Variants in SND1 observed in about 807,000 individuals in gnomAD.
SND1 encodes the protein staphylococcal nuclease and tudor domain containing 1, also known as staphylococcal nuclease domain-containing protein 1.
Under a neutral mutation model 121.7 loss-of-function variants are expected in SND1, and 38 were observed. That is an observed-to-expected ratio of 0.31 (90% CI 0.24 to 0.41). The LOEUF (loss-of-function observed/expected upper bound fraction) is 0.41, where lower values mean the gene tolerates loss of function less well. SND1 is among the 10% of genes least tolerant of loss of function. The pLI, the probability that SND1 is intolerant of heterozygous loss-of-function variation, is 1.00. For synonymous variants in SND1, 401 were observed against 447.4 expected (o/e 0.90, Z 1.31); for missense variants, 868 against 1,184.6 (o/e 0.73, Z 3.92).
intron 17 of SND1, among the ~76,000 whole-genome samples, chr7:128,078,483 G>A (rs766367148): frequency 1.3e-5 from 2 of 152,242 alleles, no homozygotes; most frequent in Non-Finnish European, 2.9e-5. Flanking sequence ...AGGTGGCAGT[G>A]TGCACCACCC....
Position 128,029,269 on chromosome 7 carries a change from T to C in SND1, c.1779+38213T>C. 1 of 1,614,132 alleles carries C rather than the reference T, an allele frequency of 6.2e-7. No individual in the cohort carries two copies. Among genetic ancestry groups the C allele is most frequent in the Non-Finnish European group, 8.5e-7 (1 of 1,180,032 alleles). Reference sequence around the variant, plus strand: ...GGCGAGATCTCCGTGGTCTCCACTGTTACTGTGGTGAAGAAGCTGTAGTTG... The same window carrying C: ...GGCGAGATCTCCGTGGTCTCCACTGCTACTGTGGTGAAGAAGCTGTAGTTG... On this transcript the variant is annotated intron_variant, in intron 16 of 23. Transcript: ENST00000354725. The surrounding 1 kb of genome is among the most constrained non-coding windows in gnomAD (Gnocchi z 4.2).
chr7:127,820,079 A>C (rs953490344), intron 11 of SND1, among the ~76,000 whole-genome samples: 1 of 152,202 alleles, frequency 6.6e-6, no homozygotes, highest in Non-Finnish European at 1.5e-5. Flanking sequence ...ACCTCTGCTT[A>C]TGTTACCAGG....
intron 11 of SND1, among the ~76,000 whole-genome samples, chr7:127,842,767 C>T (rs1798987855): frequency 6.6e-6 from 1 of 152,108 alleles, no homozygotes; most frequent in South Asian, 2.1e-4. Flanking sequence ...ATTCTTCTAC[C>T]TGGGCCTTCC....
chr7:127,785,428 A>G (rs1358993230), intron 10 of SND1, among the ~76,000 whole-genome samples: 2 of 152,224 alleles, frequency 1.3e-5, no homozygotes, highest in Non-Finnish European at 2.9e-5. Context: ...TCACAGAAGG[A>G]AAGAGAAAAA....
intron 9 of SND1, chr7:127,718,648 C>CT: frequency 1.0e-6 from 1 of 985,328 alleles, no homozygotes; most frequent in Non-Finnish European, 1.2e-6. Flanking sequence ...ATTTACAGCT[C>CT]TAAGAATTCA....
intron 14 of SND1, among the ~76,000 whole-genome samples, chr7:127,927,646 GTC>G (rs777167422): frequency 5.1e-4 from 77 of 152,162 alleles, no homozygotes; most frequent in Non-Finnish European, 1.1e-3. Flanking sequence ...ATGGATCGCT[GTC>G]TCTCTTTTTC....
At chr7:127,926,652 A>G (rs371206023) in intron 14 of SND1, among the ~76,000 whole-genome samples, 1 of 142,120 alleles carries the variant, frequency 7.0e-6, no homozygotes, top group Non-Finnish European at 1.5e-5. Context: ...TCTCAGGTTC[A>G]TACCATTCTC....
chr7:127,925,992 A>G (rs1800824933), intron 14 of SND1, among the ~76,000 whole-genome samples: 1 of 151,738 alleles, frequency 6.6e-6, no homozygotes, highest in African/African-American at 2.4e-5. Flanking sequence ...ACTGAAGCAC[A>G]TTGCTACTTG....
At chr7:127,937,107 A>T (rs2116832304) in intron 15 of SND1, among the ~76,000 whole-genome samples, 1 of 152,306 alleles carries the variant, frequency 6.6e-6, no homozygotes. Context: ...AAGGAGCCTT[A>T]TATCAGATAT....
intron 11 of SND1, among the ~76,000 whole-genome samples, chr7:127,815,806 A>T (rs1181590693): frequency 6.6e-6 from 1 of 152,150 alleles, no homozygotes; most frequent in African/African-American, 2.4e-5. Flanking sequence ...TTTAGCTTGT[A>T]TCTGGCCACT....
rs558275144 is a variant in SND1, at chr7:127,766,578, A to G, written c.1153-40906A>G. 9.9e-5 allele frequency among the ~76,000 whole-genome samples: 15 copies of G among 152,010 alleles called. No individual in the cohort carries two copies. In the South Asian group the frequency reaches 2.7e-3, roughly 27 times the overall value. ...ATCACGAGGTCAGGAGATCAAGACCATCCTGGCCAACGTGGTGAAACCCCG... is the reference window on the plus strand; with the variant it reads ...ATCACGAGGTCAGGAGATCAAGACCGTCCTGGCCAACGTGGTGAAACCCCG... On this transcript the variant is annotated intron_variant, in intron 10 of 23. Coordinates refer to ENST00000354725, the MANE Select transcript of SND1 (RefSeq NM_014390.4).
intron 10 of SND1, among the ~76,000 whole-genome samples, chr7:127,753,389 G>A (rs1471080577): frequency 6.6e-6 from 1 of 152,090 alleles, no homozygotes; most frequent in African/African-American, 2.4e-5. Flanking sequence ...GATGCTAGGA[G>A]GCAGATGTTG....
chr7:127,674,595 A>G (rs1795584700), intron 1 of SND1, among the ~76,000 whole-genome samples: 1 of 152,244 alleles, frequency 6.6e-6, no homozygotes, highest in African/African-American at 2.4e-5. Context: ...GGGAGTGTTT[A>G]TAGCTTTTTT....
intron 11 of SND1, among the ~76,000 whole-genome samples, chr7:127,834,925 A>G (rs1402326436): frequency 6.6e-6 from 1 of 152,190 alleles, no homozygotes; most frequent in East Asian, 1.9e-4. Flanking sequence ...GAGTGCTCTG[A>G]ATTGTAGTCA....
At chr7:128,067,767 T>A (rs1384257751) in intron 16 of SND1, among the ~76,000 whole-genome samples, 2 of 152,138 alleles carry the variant, frequency 1.3e-5, no homozygotes, top group East Asian at 3.9e-4. Flanking sequence ...CTCTTCTCCA[T>A]CCTCCCAGAA....
chr7:127,766,662 C>T (rs181624422), intron 10 of SND1, among the ~76,000 whole-genome samples: 3,388 of 146,236 alleles, frequency 0.023, 54 homozygotes, highest in Non-Finnish European at 0.034. Context: ...GTAGTCCCAG[C>T]TACTCAGGAG....
intron 14 of SND1, among the ~76,000 whole-genome samples, chr7:127,924,238 A>T (rs1051110725): frequency 6.6e-5 from 10 of 152,188 alleles, no homozygotes; most frequent in African/African-American, 2.4e-4. Flanking sequence ...AAGTGCTGGT[A>T]GAGTATACTT....
chr7:128,034,418 G>A (rs1792710266), intron 16 of SND1, among the ~76,000 whole-genome samples: 1 of 152,276 alleles, frequency 6.6e-6, no homozygotes, highest in East Asian at 1.9e-4. Context: ...ACCTAGTAGA[G>A]TCATCTATTG....
In SND1 at chr7:127,659,088, C is replaced by T. The variant is rs143164416; in HGVS notation, c.78+6637C>T. ...AAACAAATGCAATGAAGGAACTCAA[C>T]TCTTACTGGGCTTATCTGGCTTTTC... On this transcript the variant is annotated intron_variant, in intron 1 of 23. Transcript: ENST00000354725. Among the ~76,000 whole-genome samples, 143 of 152,354 alleles carry T rather than the reference C, an allele frequency of 9.4e-4. 1 individual carries two copies. The highest frequency in any genetic ancestry group is 3.4e-3 in the Middle Eastern group (1 of 294).
Sources: gnomAD v4.1 joint callset for allele counts (sites outside exome capture counted in the v4.1 genomes callset) on GRCh38, gnomAD v4.1.1 for gene constraint, Gnocchi (gnomAD v3.1) non-coding constraint, MANE v1.5 for transcripts, NCBI Gene and HGNC (gene_info 2026-07-23, HGNC 2026-07-21) for gene names.